NXPE2: variants seen among roughly 807,000 people sequenced by gnomAD.
The protein encoded by NXPE2 is neurexophilin and PC-esterase domain family member 2, also known as NXPE family member 2.
Under a neutral mutation model 34.4 loss-of-function variants are expected in NXPE2, and 34 were observed. The observed-to-expected ratio is 0.99, with a 90% CI of 0.75 to 1.31. The LOEUF (loss-of-function observed/expected upper bound fraction) is 1.31, where lower values mean the gene tolerates loss of function less well. Among genes scored for constraint, NXPE2 ranks in the 40% most tolerant of loss-of-function variants. NXPE2 has a pLI of 0.00. For missense variants in NXPE2, 649 were observed against 672.5 expected, an observed-to-expected ratio of 0.97 and a Z score of 0.39; for synonymous variants, 235 against 231.3, an observed-to-expected ratio of 1.02 and a Z score of -0.15.
the NXPE2 span, chr11:114,595,847 C>T: frequency 3.3e-5 from 5 of 152,254 alleles, no homozygotes; most frequent in Non-Finnish European, 5.9e-5. Context: ...GTTATTAGCT[C>T]AAGCAGAGGT....
chr11:114,702,885 ATTC>A (rs968801098), intron 3 of NXPE2, among the ~76,000 whole-genome samples: 18 of 152,202 alleles, frequency 1.2e-4, no homozygotes, highest in African/African-American at 4.3e-4. Context: ...GATTCAGGCA[ATTC>A]TTCTCAATCT....
chr11:114,749,212 G>A, the NXPE2 span, among the ~76,000 whole-genome samples: 2 of 152,048 alleles, frequency 1.3e-5, no homozygotes, highest in African/African-American at 2.4e-5. Flanking sequence ...CTCTATCAGG[G>A]GAGAGTTAGG....
At chr11:114,730,493 G>A in the NXPE2 span, among the ~76,000 whole-genome samples, 1 of 152,150 alleles carries the variant, frequency 6.6e-6, no homozygotes, top group South Asian at 2.1e-4. Flanking sequence ...GCTTTGGGCA[G>A]TATGGCCATT....
chr11:114,661,688 G>A, the NXPE2 span, among the ~76,000 whole-genome samples: 2 of 152,186 alleles, frequency 1.3e-5, no homozygotes, highest in Non-Finnish European at 2.9e-5. Flanking sequence ...CCCAAGAAAC[G>A]CAAGCAAGAG....
the NXPE2 span, among the ~76,000 whole-genome samples, chr11:114,611,243 A>G: frequency 6.6e-6 from 1 of 151,706 alleles, no homozygotes; most frequent in Non-Finnish European, 1.5e-5. Flanking sequence ...CCAGTCAATA[A>G]TAGGTATTGC....
the NXPE2 span, among the ~76,000 whole-genome samples, chr11:114,811,338 TAATAA>T: frequency 6.6e-5 from 3 of 45,156 alleles, no homozygotes; most frequent in East Asian, 1.2e-3. Context: ...AGTATAATAA[TAATAA>T]AATAAAAAAA....
chr11:114,579,425 C>T, the NXPE2 span, among the ~76,000 whole-genome samples: 4 of 152,100 alleles, frequency 2.6e-5, no homozygotes, highest in African/African-American at 9.7e-5. Context: ...GTGAGAAACA[C>T]CAGGCAGGGA....
chr11:114,580,438 A>G, the NXPE2 span: 4 of 941,814 alleles, frequency 4.2e-6, no homozygotes, highest in Non-Finnish European at 6.6e-6. Flanking sequence ...AGAGGGGGTA[A>G]GGTGGTGGTA....
chr11:114,570,864 C>T, the NXPE2 span: 1 of 1,055,524 alleles, frequency 9.5e-7, no homozygotes, highest in Non-Finnish European at 1.4e-6. Flanking sequence ...GAGCCAAACA[C>T]AGCATCTGGC....
chr11:114,810,177 T>C, the NXPE2 span, among the ~76,000 whole-genome samples: 1 of 145,892 alleles, frequency 6.9e-6, no homozygotes, highest in African/African-American at 2.5e-5. Context: ...TTACACCTTA[T>C]ACAAAAATTA....
At chr11:114,747,714 A>G in the NXPE2 span, among the ~76,000 whole-genome samples, 1 of 152,046 alleles carries the variant, frequency 6.6e-6, no homozygotes, top group Non-Finnish European at 1.5e-5. Context: ...GAAACCAATC[A>G]CCTGCCACCA....
the NXPE2 span, among the ~76,000 whole-genome samples, chr11:114,539,215 T>C: frequency 6.9e-6 from 1 of 145,668 alleles, no homozygotes; most frequent in Non-Finnish European, 1.5e-5. Context: ...TTCTCACTCA[T>C]AGGTGGGAAT....
the NXPE2 span, among the ~76,000 whole-genome samples, chr11:114,536,586 A>T: frequency 6.6e-6 from 1 of 152,222 alleles, no homozygotes; most frequent in African/African-American, 2.4e-5. Context: ...GCCATAAAAA[A>T]TGACAAAGGG....
chr11:114,526,129 G>T, the NXPE2 span, among the ~76,000 whole-genome samples: 582 of 152,292 alleles, frequency 3.8e-3, 5 homozygotes, highest in Non-Finnish European at 5.9e-3. Context: ...GAGGAAGAGG[G>T]CTGCAAGGAA....
chr11:114,746,414 T>C, the NXPE2 span, among the ~76,000 whole-genome samples: 1 of 152,228 alleles, frequency 6.6e-6, no homozygotes, highest in Non-Finnish European at 1.5e-5. Context: ...AAACCCAGTA[T>C]GTCAAATCCA....
At chr11:114,546,651 C>T in the NXPE2 span, among the ~76,000 whole-genome samples, 2 of 151,906 alleles carry the variant, frequency 1.3e-5, no homozygotes, top group Non-Finnish European at 2.9e-5. Flanking sequence ...AAAGACACCC[C>T]AATAGTAACA....
chr11:114,679,590 A>C, intron 1 of NXPE2, 67 bp from the exon 2 acceptor site: 1 of 957,782 alleles, frequency 1.0e-6, no homozygotes, highest in South Asian at 1.8e-5. Context: ...AAGAGGAACC[A>C]AAGTGTACGG....
At chr11:114,800,081 CTTCT>C in the NXPE2 span, among the ~76,000 whole-genome samples, 10 of 152,076 alleles carry the variant, frequency 6.6e-5, no homozygotes, top group African/African-American at 2.4e-4. Flanking sequence ...TGCCTAGATC[CTTCT>C]ATTTCTTTCC....
At chr11:114,498,089 A>G in the NXPE2 span, among the ~76,000 whole-genome samples, 1 of 152,064 alleles carries the variant, frequency 6.6e-6, no homozygotes, top group Non-Finnish European at 1.5e-5. Flanking sequence ...GTTGAGATCT[A>G]TGTATATCTA....
Sources: allele counts gnomAD v4.1 joint callset (sites outside exome capture counted in the v4.1 genomes callset), GRCh38; gene constraint gnomAD v4.1.1; transcripts MANE v1.5; gene names NCBI Gene and HGNC (gene_info 2026-07-23, HGNC 2026-07-21).